GRID2: variants seen among roughly 807,000 people sequenced by gnomAD.
GRID2 encodes the protein glutamate ionotropic receptor delta type subunit 2.
A neutral mutation model predicts 114.8 loss-of-function variants in GRID2; 33 were observed. The ratio of observed to expected loss-of-function variants is 0.29; its 90% CI spans 0.22 to 0.38. GRID2 has a LOEUF of 0.38. Among genes scored for constraint, GRID2 ranks in the 10% least tolerant of loss-of-function variants. The probability of loss-of-function intolerance (pLI) is 1.00; values close to 1 mark genes in which losing one functional copy is unlikely to be tolerated. For missense variants in GRID2, 1,184 were observed against 1,257.7 expected (o/e 0.94, Z 0.89); for synonymous variants, 505 against 449.9 (o/e 1.12, Z -1.55).
At chr4:93,193,624 G>A (rs959032055) in intron 4 of GRID2, among the ~76,000 whole-genome samples, 1 of 152,164 alleles carries the variant, frequency 6.6e-6, no homozygotes, top group African/African-American at 2.4e-5. Flanking sequence ...TCTCAAGTAT[G>A]TCCTTAGAGC....
chr4:93,310,326 C>G (rs575526742), intron 8 of GRID2, among the ~76,000 whole-genome samples: 2 of 152,098 alleles, frequency 1.3e-5, no homozygotes, highest in East Asian at 3.9e-4. Context: ...TTGAGGCCAG[C>G]TTGGCCAACA....
intron 1 of GRID2, among the ~76,000 whole-genome samples, chr4:92,586,709 G>A (rs1728468301): frequency 6.6e-6 from 1 of 151,558 alleles, no homozygotes; most frequent in Admixed American, 6.6e-5. Context: ...TATTTTTGTA[G>A]AACTTTGTCT....
rs57413270 is a variant in GRID2, at chr4:92,946,286, T to C, written c.245-138709T>C. On this transcript the variant is annotated intron_variant, in intron 2 of 15. Coordinates refer to ENST00000282020, the MANE Select transcript of GRID2 (RefSeq NM_001510.4). Reference sequence around the variant, plus strand: ...AAGTTATTTGACTACTTTGTTTATATATTTTGTGCTTATTTGACTATTCTA... The same window carrying C: ...AAGTTATTTGACTACTTTGTTTATACATTTTGTGCTTATTTGACTATTCTA... 4.4e-3 allele frequency among the ~76,000 whole-genome samples: 668 copies of C among 152,218 alleles called. 3 individuals are homozygous for C. The highest frequency in any genetic ancestry group is 0.016 in the African/African-American group (652 of 41,572).
chr4:92,750,755 TCAGTACTTCAA>T lies in GRID2; in HGVS notation c.244+160474_244+160484del. Among the ~76,000 whole-genome samples the T allele has an allele frequency of 2.0e-5, 3 of 152,328 alleles. No individual in the cohort carries two copies. In the Middle Eastern group the frequency reaches 0.01, roughly 518 times the overall value. On this transcript the variant is annotated intron_variant, in intron 2 of 15. Transcript: ENST00000282020. ...ATCAACTATTAGTTGATTTTGAGTC[TCAGTACTTCAA>T]CAGTGTTGCAGAAGAGCATGCTTCA... is the stretch of plus-strand genomic sequence containing the variant.
intron 2 of GRID2, among the ~76,000 whole-genome samples, chr4:92,900,806 C>G (rs1340862104): frequency 7.2e-6 from 1 of 139,606 alleles, no homozygotes; most frequent in Non-Finnish European, 1.5e-5. Flanking sequence ...TACACTCCAG[C>G]CTGGGCGACA....
chr4:92,493,127 CA>C (rs1043809824), intron 1 of GRID2, among the ~76,000 whole-genome samples: 2,159 of 48,482 alleles, frequency 0.045, 19 homozygotes, highest in African/African-American at 0.12. Context: ...GACTCCATCT[CA>C]AAAAAAAAAA....
chr4:92,682,736 CAT>C (rs907052781), intron 2 of GRID2, among the ~76,000 whole-genome samples: 2 of 150,638 alleles, frequency 1.3e-5, no homozygotes, highest in African/African-American at 4.9e-5. Flanking sequence ...GGGGAGGAAA[CAT>C]AAACATAATA....
chr4:93,597,366 C>T (rs1054080428), intron 13 of GRID2, among the ~76,000 whole-genome samples: 14 of 152,156 alleles, frequency 9.2e-5, no homozygotes, highest in Non-Finnish European at 4.4e-5. Flanking sequence ...TGAAAATCTA[C>T]AGCTCCGAAA....
At chr4:93,603,712 T>C (rs1246975122) in intron 13 of GRID2, among the ~76,000 whole-genome samples, 1 of 152,198 alleles carries the variant, frequency 6.6e-6, no homozygotes, top group Non-Finnish European at 1.5e-5. Context: ...CAGCTGGTGA[T>C]TTGAAGTTGA....
At chr4:92,825,751 C>T (rs1741651535) in intron 2 of GRID2, among the ~76,000 whole-genome samples, 1 of 152,112 alleles carries the variant, frequency 6.6e-6, no homozygotes, top group Non-Finnish European at 1.5e-5. Flanking sequence ...GGAGCCAAGG[C>T]AGCCCATATG....
chr4:92,579,532 A>G, intron 1 of GRID2, among the ~76,000 whole-genome samples: 1 of 152,098 alleles, frequency 6.6e-6, no homozygotes, highest in South Asian at 2.1e-4. Flanking sequence ...TTTAACATAG[A>G]TACAGTTTAT....
chr4:92,942,938 T>C (rs534572725), intron 2 of GRID2, among the ~76,000 whole-genome samples: 55 of 152,222 alleles, frequency 3.6e-4, no homozygotes, highest in Non-Finnish European at 6.6e-4. Context: ...CCGAGAGATC[T>C]GCTGTTATTC....
chr4:92,774,796 A>G (rs1738712252), intron 2 of GRID2, among the ~76,000 whole-genome samples: 1 of 151,832 alleles, frequency 6.6e-6, no homozygotes, highest in South Asian at 2.1e-4. Flanking sequence ...GGGTTTTGTC[A>G]TGTTGCCCAG....
At chr4:93,182,039 GCTTT>G (rs1739942788) in intron 4 of GRID2, among the ~76,000 whole-genome samples, 1 of 152,034 alleles carries the variant, frequency 6.6e-6, no homozygotes, top group African/African-American at 2.4e-5. Context: ...ACCAAAATAA[GCTTT>G]CTATTTGGCC....
At chr4:93,466,865 A>G (rs1724327391) in intron 11 of GRID2, among the ~76,000 whole-genome samples, 1 of 152,250 alleles carries the variant, frequency 6.6e-6, no homozygotes, top group East Asian at 1.9e-4. Flanking sequence ...CTTGTCAATT[A>G]TATAGAAACA....
chr4:93,559,997 A>G (rs1734732659), intron 13 of GRID2, among the ~76,000 whole-genome samples: 1 of 151,894 alleles, frequency 6.6e-6, no homozygotes, highest in Non-Finnish European at 1.5e-5. Context: ...CAAACACCAC[A>G]TGTTCTCACT....
intron 2 of GRID2, among the ~76,000 whole-genome samples, chr4:92,924,070 TA>T (rs1228185613): frequency 1.3e-5 from 2 of 152,158 alleles, no homozygotes; most frequent in South Asian, 2.1e-4. Flanking sequence ...TATGCAGCCA[TA>T]AAAAAGGATA....
intron 10 of GRID2, among the ~76,000 whole-genome samples, chr4:93,428,133 A>G (rs1379757794): frequency 6.6e-6 from 1 of 152,120 alleles, no homozygotes; most frequent in African/African-American, 2.4e-5. Context: ...AAGCTTTTAA[A>G]GTGGAGTATT....
chr4:93,356,115 C>T (rs951209044), intron 8 of GRID2, among the ~76,000 whole-genome samples: 8 of 152,000 alleles, frequency 5.3e-5, no homozygotes, highest in Non-Finnish European at 8.8e-5. Context: ...ATATAAAACC[C>T]GTATAAATAT....
Sources: allele counts gnomAD v4.1 joint callset (sites outside exome capture counted in the v4.1 genomes callset), GRCh38; gene constraint gnomAD v4.1.1; transcripts MANE v1.5; gene names NCBI Gene and HGNC (gene_info 2026-07-23, HGNC 2026-07-21).